DSG2: variants seen among roughly 807,000 people sequenced by gnomAD.
The protein encoded by DSG2 is desmoglein-2.
Under a neutral mutation model 75.6 loss-of-function variants are expected in DSG2, and 45 were observed. The observed-to-expected ratio is 0.60, with a 90% CI of 0.47 to 0.76. The LOEUF is 0.76. Ranked by LOEUF, DSG2 falls within the 30% of genes least tolerant of loss-of-function variation. The pLI, the probability that DSG2 is intolerant of heterozygous loss-of-function variation, is 0.00. For synonymous variants in DSG2, 429 were observed against 483.9 expected, an observed-to-expected ratio of 0.89 and a Z score of 1.49; for missense variants, 1,267 against 1,357.4, an observed-to-expected ratio of 0.93 and a Z score of 1.05.
chr18:31,537,508 A>C (rs1438963425), intron 11 of DSG2, among the ~76,000 whole-genome samples: 2 of 151,874 alleles, frequency 1.3e-5, no homozygotes, highest in Admixed American at 1.3e-4. Context: ...AGTCCCAGCT[A>C]CTCGGGAGGC....
At chr18:31,507,333 G>A (rs1286226760) in intron 1 of DSG2, among the ~76,000 whole-genome samples, 2 of 152,138 alleles carry the variant, frequency 1.3e-5, no homozygotes, top group Admixed American at 1.3e-4. Context: ...ATCATTGATG[G>A]GCATTTGGGT....
chr18:31,523,845 C>T (rs1464794745), intron 6 of DSG2, among the ~76,000 whole-genome samples: 4 of 152,244 alleles, frequency 2.6e-5, no homozygotes, highest in Non-Finnish European at 4.4e-5. Context: ...GCTCCAGGGT[C>T]CTGGTGTCCT....
rs552933757 is a variant in DSG2 at position 31,547,162 on chromosome 18, G to C, written c.*419G>C. Reference sequence around the variant, plus strand: ...ATTAAACATTGATGTTCTGTATTCTGTACTTTACTGCACCCAGCAGACTTT... The same window carrying C: ...ATTAAACATTGATGTTCTGTATTCTCTACTTTACTGCACCCAGCAGACTTT... On this transcript the variant is annotated 3_prime_UTR_variant, in exon 15 of 15. Transcript: ENST00000261590. 3.2e-6 allele frequency: 1 copy of C among 313,628 alleles called. No homozygotes were observed. Among genetic ancestry groups the C allele is most frequent in the Non-Finnish European group, 6.2e-6 (1 of 162,262 alleles). 19.4% of individuals were successfully genotyped at this position (313,628 alleles called of 1,614,324 possible). A position where few individuals can be genotyped will look rare whatever the true frequency, so the allele number is the denominator to read the frequency against.
chr18:31,506,912 T>C (rs1014586889), intron 1 of DSG2, among the ~76,000 whole-genome samples: 15 of 152,146 alleles, frequency 9.9e-5, no homozygotes, highest in African/African-American at 3.6e-4. Context: ...AAAGTATCGT[T>C]TTGCTTTTTT....
chr18:31,502,302 A>T (rs931231989), intron 1 of DSG2, among the ~76,000 whole-genome samples: 30 of 152,224 alleles, frequency 2.0e-4, no homozygotes, highest in Non-Finnish European at 1.0e-4. Flanking sequence ...AAACTTCCCA[A>T]TTGATCTAAT....
chr18:31,531,114 A>T lies in DSG2; in HGVS notation c.1142A>T (p.Asn381Ile). 1 of 1,614,136 alleles carries T rather than the reference A, an allele frequency of 6.2e-7. No individual in the cohort carries two copies. Among genetic ancestry groups the T allele is most frequent in the South Asian group, 1.1e-5 (1 of 91,076 alleles). Residue 381 changes from asparagine (N) to isoleucine (I), a missense_variant, in exon 9 of 15, where the codon AAT becomes ATT. Transcript: ENST00000261590. ...ATTCCCATCAAGGTCAAAGTGAAAA[A>T]TGTGAAAGAAGGCATTCATTTTAAA... ...TPIPIKVKVK[N>I]VKEGIHFKSS...
In DSG2 at chr18:31,546,707, T is replaced by C. The variant is rs1791235; in HGVS notation, c.3321T>C (p.Val1107=). 646,360 of 1,613,426 alleles carry C rather than the reference T, an allele frequency of 0.4. 136,476 individuals are homozygous for C. The highest frequency in any genetic ancestry group is 0.71 in the East Asian group (32,036 of 44,860). ...NSTITTSSTR[V]TKHSTVQHSY... is the part of the protein sequence containing the mutation. ...CCATAACCACATCTTCCACCAGAGT[T>C]ACCAAGCATAGCACTGTACAGCATT... The change falls in exon 15 of 15, where the codon GTT becomes GTC. Residue 1107 remains valine (V), a synonymous_variant. Transcript: ENST00000261590.
intron 8 of DSG2, among the ~76,000 whole-genome samples, chr18:31,528,401 C>T (rs554728898): frequency 1.3e-4 from 20 of 152,216 alleles, no homozygotes; most frequent in African/African-American, 3.4e-4. Flanking sequence ...AGCTACAACA[C>T]GGATGAACCT....
At chr18:31,509,653 G>C (rs1208881585) in intron 1 of DSG2, among the ~76,000 whole-genome samples, 2 of 152,146 alleles carry the variant, frequency 1.3e-5, no homozygotes, top group African/African-American at 4.8e-5. Flanking sequence ...AGAGAAAAGT[G>C]CAGTAGGTGA....
chr18:31,519,524 A>T (rs1222981521), intron 2 of DSG2, among the ~76,000 whole-genome samples: 1 of 152,222 alleles, frequency 6.6e-6, no homozygotes, highest in Admixed American at 6.5e-5. Flanking sequence ...AGATCATGCC[A>T]CTGCACTCCA....
chr18:31,539,677 G>A (rs2073254584), intron 12 of DSG2, among the ~76,000 whole-genome samples: 1 of 152,200 alleles, frequency 6.6e-6, no homozygotes, highest in Admixed American at 6.5e-5. Flanking sequence ...CCGCCTCCAA[G>A]GCAGCCTAGG....
Position 31,520,807 on chromosome 18 carries a change from A to G in DSG2, c.221A>G (p.His74Arg), listed in dbSNP as rs201855245. 277 of 1,613,584 alleles carry G rather than the reference A, an allele frequency of 1.7e-4. No individual in the cohort carries two copies. The African/African-American group carries it at 3.3e-3, about 19-fold the overall frequency. ...TTCCTGTTATTTTTATGTTAGATAC[A>G]TTCTGATCTTGCAGAAGAAAGAGGA... ...LSKKNPIAKIHSDLAEERGLK... is the reference protein window; with the variant it reads ...LSKKNPIAKIRSDLAEERGLK... Residue 74 changes from histidine to arginine, a missense_variant, in exon 4 of 15, where the codon CAT (histidine) becomes CGT (arginine). His to Arg is a conservative substitution (Grantham distance 29, BLOSUM62 0). Coordinates refer to ENST00000261590, the MANE Select transcript of DSG2 (RefSeq NM_001943.5).
chr18:31,528,977 A>G (rs2073178703), intron 8 of DSG2, among the ~76,000 whole-genome samples: 2 of 152,160 alleles, frequency 1.3e-5, no homozygotes, highest in Non-Finnish European at 2.9e-5. Context: ...CTGTACACTT[A>G]AAATGGGCAA....
intron 11 of DSG2, among the ~76,000 whole-genome samples, chr18:31,537,792 C>G (rs1195309893): frequency 6.6e-6 from 1 of 152,010 alleles, no homozygotes; most frequent in Non-Finnish European, 1.5e-5. Flanking sequence ...CACTTGAGGT[C>G]AGGAGTTTGA....
At chr18:31,500,222 T>G (rs1378445905) in intron 1 of DSG2, among the ~76,000 whole-genome samples, 1 of 152,000 alleles carries the variant, frequency 6.6e-6, no homozygotes, top group African/African-American at 2.4e-5. Context: ...CTAAACTGAC[T>G]ACCTAAGTGT....
chr18:31,527,367 A>G (rs1331439247), intron 8 of DSG2, among the ~76,000 whole-genome samples: 1 of 152,154 alleles, frequency 6.6e-6, no homozygotes, highest in African/African-American at 2.4e-5. Flanking sequence ...TGCATTTCTC[A>G]TTTCTCAAAT....
rs540113579 is a variant in DSG2 at position 31,535,281 on chromosome 18, T to C, written c.1292T>C (p.Leu431Ser). 25 of 1,588,732 alleles carry C rather than the reference T, an allele frequency of 1.6e-5. No homozygotes were observed. The Admixed American group carries it at 2.3e-4, about 15-fold the overall frequency. The change falls in exon 10 of 15, where the codon TTA becomes TCA. Residue 431 changes from leucine to serine, a missense_variant. Transcript: ENST00000261590. ...GLPAHARYVKLEDRDNWISVD... is the reference protein window; with the variant it reads ...GLPAHARYVKSEDRDNWISVD... ...TTGTTTTATGACAGATATGTAAAAT[T>C]AGAAGATAGAGATAATTGGATCTCT...
intron 1 of DSG2, among the ~76,000 whole-genome samples, chr18:31,501,622 C>A (rs1398742992): frequency 1.3e-5 from 2 of 152,160 alleles, no homozygotes; most frequent in African/African-American, 4.8e-5. Context: ...TACTCCAATC[C>A]TCCATCTGCG....
chr18:31,500,939 A>G (rs996738695), intron 1 of DSG2, among the ~76,000 whole-genome samples: 2 of 152,196 alleles, frequency 1.3e-5, no homozygotes, highest in African/African-American at 4.8e-5. Context: ...TCTTTAAATT[A>G]TGAGTGTGGG....
Sources: gnomAD v4.1 joint callset for allele counts (sites outside exome capture counted in the v4.1 genomes callset) on GRCh38, gnomAD v4.1.1 for gene constraint, MANE v1.5 for transcripts, NCBI Gene and HGNC (gene_info 2026-07-23, HGNC 2026-07-21) for gene names.